The following KIF6 variants were observed in gnomAD, a reference collection of about 807,000 sequenced individuals.
KIF6 encodes kinesin-like protein KIF6.
KIF6 carries 106 observed loss-of-function variants against 112.7 expected under a neutral mutation model. That is an observed-to-expected ratio of 0.94 (90% confidence interval 0.80 to 1.11). The LOEUF is 1.11. KIF6 is among the 50% of genes least tolerant of loss of function. KIF6 has a pLI of 0.00. For missense variants in KIF6, 929 were observed against 964.0 expected, an observed-to-expected ratio of 0.96 and a Z score of 0.48; for synonymous variants, 339 against 339.9, an observed-to-expected ratio of 1.00 and a Z score of 0.03.
intron 3 of KIF6, among the ~76,000 whole-genome samples, chr6:39,682,793 T>G (rs977467439): frequency 2.0e-5 from 3 of 152,338 alleles, no homozygotes; most frequent in Non-Finnish European, 4.4e-5. Context: ...TTGGTCAGGC[T>G]GGTCTCAAAC....
rs76233891 is a variant in KIF6 at position 39,431,534 on chromosome 6, T to C, written c.1646-373A>G. ...TTTCTCCCTGGTATGCCCTATTTTG[T>C]TTTTCTGTTAAATTTCCAGGCATTT... On this transcript the variant is annotated intron_variant, in intron 13 of 22. Transcript: ENST00000287152. Among the ~76,000 whole-genome samples, 482 of 152,316 alleles carry C rather than the reference T, an allele frequency of 3.2e-3. 16 individuals are homozygous for C. In the East Asian group the frequency reaches 0.051, roughly 16 times the overall value.
chr6:39,677,576 C>T (rs2113760098), intron 3 of KIF6, among the ~76,000 whole-genome samples: 1 of 148,040 alleles, frequency 6.8e-6, no homozygotes, highest in African/African-American at 2.5e-5. Context: ...TACATGTGCA[C>T]ATTGTGCAGG....
chr6:39,603,959 A>T (rs1782729876), intron 6 of KIF6, among the ~76,000 whole-genome samples: 1 of 152,172 alleles, frequency 6.6e-6, no homozygotes, highest in Non-Finnish European at 1.5e-5. Context: ...GAATAGATCA[A>T]ATAAAGGAAA....
At chr6:39,602,766 T>A (rs1175895238) in intron 6 of KIF6, among the ~76,000 whole-genome samples, 1 of 152,174 alleles carries the variant, frequency 6.6e-6, no homozygotes, top group Non-Finnish European at 1.5e-5. Flanking sequence ...CCAGAGCTCT[T>A]AATCACTACT....
intron 13 of KIF6, among the ~76,000 whole-genome samples, chr6:39,488,954 C>T (rs1775300259): frequency 6.6e-6 from 1 of 152,166 alleles, no homozygotes; most frequent in African/African-American, 2.4e-5. Context: ...TTTATGATTT[C>T]ACCTAATTAA....
At chr6:39,663,810 G>A (rs1301171149) in intron 3 of KIF6, among the ~76,000 whole-genome samples, 1 of 152,034 alleles carries the variant, frequency 6.6e-6, no homozygotes, top group Non-Finnish European at 1.5e-5. Context: ...GGTACAGACT[G>A]AAGACAGCAT....
At chr6:39,369,283 T>C (rs577695284) in intron 16 of KIF6, among the ~76,000 whole-genome samples, 21 of 152,268 alleles carry the variant, frequency 1.4e-4, no homozygotes, top group African/African-American at 4.8e-4. Context: ...TGTAACACCT[T>C]AGCGGACCCA....
chr6:39,362,282 C>A, intron 17 of KIF6, 152 bp downstream of exon 17: 1 of 660,190 alleles, frequency 1.5e-6, no homozygotes, highest in Non-Finnish European at 2.8e-6. Context: ...TCACACCTGC[C>A]TGCTCAAAGG....
At chr6:39,582,011 C>G (rs985463379) in intron 9 of KIF6, among the ~76,000 whole-genome samples, 2 of 152,134 alleles carry the variant, frequency 1.3e-5, no homozygotes, top group African/African-American at 4.8e-5. Context: ...TGTATCGGAT[C>G]ATGTGGGTTT....
intron 6 of KIF6, among the ~76,000 whole-genome samples, chr6:39,599,444 C>A (rs938908404): frequency 5.3e-5 from 8 of 152,152 alleles, no homozygotes; most frequent in Non-Finnish European, 2.9e-5. Context: ...AAAAAGATGT[C>A]AAAATGCTGG....
intron 6 of KIF6, among the ~76,000 whole-genome samples, chr6:39,597,049 A>G (rs1208184969): frequency 6.6e-6 from 1 of 152,164 alleles, no homozygotes; most frequent in East Asian, 1.9e-4. Context: ...AGATAATATT[A>G]AAGGACAAAG....
intron 10 of KIF6, among the ~76,000 whole-genome samples, chr6:39,570,024 A>G (rs1780557006): frequency 6.6e-6 from 1 of 152,256 alleles, no homozygotes; most frequent in Non-Finnish European, 1.5e-5. Flanking sequence ...TTTGCATTTC[A>G]ATATAAAGCT....
chr6:39,494,410 A>G (rs1393099724), intron 13 of KIF6, among the ~76,000 whole-genome samples: 1 of 152,236 alleles, frequency 6.6e-6, no homozygotes, highest in Non-Finnish European at 1.5e-5. Context: ...TTAACACTCA[A>G]TGCCAAGAAG....
intron 3 of KIF6, among the ~76,000 whole-genome samples, chr6:39,644,534 C>T (rs1210322828): frequency 2.0e-5 from 3 of 152,042 alleles, no homozygotes; most frequent in African/African-American, 7.2e-5. Context: ...CTTGAAAACA[C>T]ATTAAATTTT....
At chr6:39,690,688 C>T (rs970226953) in intron 3 of KIF6, 10 of 152,272 alleles carry the variant, frequency 6.6e-5, no homozygotes, top group Non-Finnish European at 1.3e-4. Context: ...TAAAGGAGGA[C>T]TCAAGGTAAC....
At chr6:39,724,964 C>T (rs1790450169) in intron 1 of KIF6, among the ~76,000 whole-genome samples, 1 of 152,194 alleles carries the variant, frequency 6.6e-6, no homozygotes, top group South Asian at 2.1e-4. Flanking sequence ...CACTAGTCTG[C>T]CCCCGCGTGA....
chr6:39,501,073 G>A (rs1207380320), intron 13 of KIF6, among the ~76,000 whole-genome samples: 2 of 152,092 alleles, frequency 1.3e-5, no homozygotes, highest in Non-Finnish European at 2.9e-5. Flanking sequence ...GAAACAACTA[G>A]ACCCATGAAG....
intron 13 of KIF6, among the ~76,000 whole-genome samples, chr6:39,482,038 A>ACACC (rs1406341453): frequency 6.6e-6 from 1 of 151,312 alleles, no homozygotes; most frequent in African/African-American, 2.4e-5. Flanking sequence ...ACACACACAC[A>ACACC]CACCCCACTG....
In KIF6 at chr6:39,676,153, T is replaced by C. The variant is rs192796756; in HGVS notation, c.252-36396A>G. On this transcript the variant is annotated intron_variant, in intron 3 of 22. Coordinates refer to ENST00000287152, the MANE Select transcript of KIF6 (RefSeq NM_145027.6). The stretch of plus-strand genomic sequence containing the variant: ...GAAGCACAATTAGTTCCAACTGGGA[T>C]AGATAAATAAAAATAAATCCACATT... Among the ~76,000 whole-genome samples the C allele has an allele frequency of 3.3e-5, 5 of 150,806 alleles. No homozygotes were observed. The East Asian group carries it at 9.7e-4, about 29-fold the overall frequency.
Sources: gnomAD v4.1 joint callset for allele counts (sites outside exome capture counted in the v4.1 genomes callset) on GRCh38, gnomAD v4.1.1 for gene constraint, MANE v1.5 for transcripts, NCBI Gene and HGNC (gene_info 2026-07-23, HGNC 2026-07-21) for gene names.